RBSN: variants seen among roughly 807,000 people sequenced by gnomAD.
The protein encoded by RBSN is rabenosyn, RAB effector.
Under a neutral mutation model 60.5 loss-of-function variants are expected in RBSN, and 34 were observed. That is an observed-to-expected ratio of 0.56 (90% CI 0.43 to 0.75). RBSN has a LOEUF of 0.75. Ranked by LOEUF, RBSN falls within the 30% of genes least tolerant of loss-of-function variation. The pLI, the probability that RBSN is intolerant of heterozygous loss-of-function variation, is 0.00. For synonymous variants in RBSN, 322 were observed against 366.9 expected, an observed-to-expected ratio of 0.88 and a Z score of 1.40; for missense variants, 845 against 986.8, an observed-to-expected ratio of 0.86 and a Z score of 1.92.
At chr3:15,089,613 CTTT>C (rs570035685) in intron 5 of RBSN, among the ~76,000 whole-genome samples, 9 of 143,948 alleles carry the variant, frequency 6.3e-5, no homozygotes, top group African/African-American at 1.5e-4. Flanking sequence ...ATTTTCTTTT[CTTT>C]TTTTTTTTTC....
intron 4 of RBSN, chr3:15,091,606 G>T: frequency 1.6e-6 from 1 of 636,080 alleles, no homozygotes; most frequent in Non-Finnish European, 2.2e-6. Flanking sequence ...AATACATTAT[G>T]CCAGTTCATG....
chr3:15,089,462 A>AAAAAAC (rs2043439959), intron 5 of RBSN, among the ~76,000 whole-genome samples: 2 of 122,786 alleles, frequency 1.6e-5, no homozygotes, highest in Non-Finnish European at 1.7e-5. Flanking sequence ...TCTCCAAAAA[A>AAAAAAC]AAAAAAAAAA....
chr3:15,078,113 C>T lies in RBSN; in HGVS notation c.960G>A (p.Val320=), dbSNP rs751028843. Reference sequence around the variant, plus strand: ...TCAGCTCATACACTTTCTGCACTTCCACTCGAAGGTCACTGGCATGTTCCA... The same window carrying T: ...TCAGCTCATACACTTTCTGCACTTCTACTCGAAGGTCACTGGCATGTTCCA... ...YSLEHASDLR[V]EVQKVYELID... is the part of the protein sequence containing the mutation. Residue 320 remains valine (V), a synonymous_variant, in exon 11 of 14, where the codon GTG becomes GTA. Transcript: ENST00000253699. 3 of 1,614,012 alleles carry T rather than the reference C, an allele frequency of 1.9e-6. No homozygotes were observed. The highest frequency in any genetic ancestry group is 1.6e-4 in the Middle Eastern group (1 of 6,084).
At chr3:15,086,040 C>T in intron 5 of RBSN, 79 bp from the exon 6 acceptor site, 1 of 1,066,020 alleles carries the variant, frequency 9.4e-7, no homozygotes, top group South Asian at 1.4e-5. Context: ...CCTCTTATCC[C>T]AGTGAATTTC....
intron 2 of RBSN, among the ~76,000 whole-genome samples, chr3:15,096,925 T>C (rs1248463072): frequency 6.6e-6 from 1 of 152,214 alleles, no homozygotes; most frequent in Admixed American, 6.5e-5. Flanking sequence ...CAGTGAGCTA[T>C]AATTGCTCAC....
At position 15,082,277 on chromosome 3, in the gene RBSN, A is replaced by C; in HGVS notation, c.840+90T>G. 3 of 1,515,744 alleles carry C rather than the reference A, an allele frequency of 2.0e-6. No individual in the cohort carries two copies. Among genetic ancestry groups the C allele is most frequent in the Non-Finnish European group, 2.7e-6 (3 of 1,113,050 alleles). 93.9% of individuals were successfully genotyped at this position (1,515,744 alleles called of 1,614,324 possible). A position where few individuals can be genotyped will look rare whatever the true frequency, so the allele number is the denominator to read the frequency against. ...AAATAATTCAAACGAACAACTTCCC[A>C]AAGCATTCTCCAGAATCTGCAGGAG... On this transcript the variant is annotated intron_variant, in intron 9 of 13. Coordinates refer to ENST00000253699, the MANE Select transcript of RBSN (RefSeq NM_022340.4). The surrounding 1 kb of genome is among the most constrained non-coding windows in gnomAD (Gnocchi z 4.2).
intron 12 of RBSN, 119 bp downstream of exon 12, chr3:15,076,943 A>G: frequency 2.5e-6 from 2 of 810,034 alleles, no homozygotes; most frequent in Non-Finnish European, 3.9e-6. Flanking sequence ...CATAATTTCA[A>G]AAAATAATAA....
At position 15,071,633 on chromosome 3, in the gene RBSN, C is replaced by T. The variant is rs1467646148; in HGVS notation, c.*2149G>A. 2 of 152,384 alleles carry T rather than the reference C, an allele frequency of 1.3e-5. No homozygotes were observed. Among genetic ancestry groups the T allele is most frequent in the East Asian group, 1.9e-4 (1 of 5,196 alleles). 9.4% of individuals were successfully genotyped at this position (152,384 alleles called of 1,614,324 possible). ...CACTCCCCATCTCCACACCCCTATA[C>T]AAGATCTTTTCATTCAACCAAAAGG... On this transcript the variant is annotated 3_prime_UTR_variant, in exon 14 of 14. Transcript: ENST00000253699.
At chr3:15,089,589 C>A (rs1336024024) in intron 5 of RBSN, among the ~76,000 whole-genome samples, 2 of 147,694 alleles carry the variant, frequency 1.4e-5, no homozygotes, top group African/African-American at 4.9e-5. Context: ...AAAGCAAATT[C>A]AGTGGTTTTT....
chr3:15,085,399 T>TA (rs557262415), intron 6 of RBSN, among the ~76,000 whole-genome samples: 84 of 152,310 alleles, frequency 5.5e-4, no homozygotes, highest in African/African-American at 1.8e-3. Flanking sequence ...ATTTCTGCCT[T>TA]ACAAAGTACA....
chr3:15,075,630 C>T lies in RBSN; in HGVS notation c.1182G>A (p.Glu394=). The T allele has an allele frequency of 2.5e-6, 4 of 1,614,226 alleles. No individual in the cohort carries two copies. The highest frequency in any genetic ancestry group is 3.4e-6 in the Non-Finnish European group (4 of 1,180,032). ...ELKKKRKEEM[E]RKRAVERQAA... ...CTTGTCTCTCCACGGCCCTCTTCCT[C>T]TCCATTTCCTCCTTCCTTTTCTTTT... Residue 394 remains glutamate (E), a synonymous_variant, in exon 13 of 14, where the codon GAG becomes GAA. Transcript: ENST00000253699.
In RBSN at chr3:15,078,178, G is replaced by A; in HGVS notation, c.912-17C>T. 1 of 1,610,866 alleles carries A rather than the reference G, an allele frequency of 6.2e-7. No individual in the cohort carries two copies. ...TCCCCAGCACTAAGGAGAAACCAGA[G>A]ACACGTGACCTAAGTTTCATGGTGC... is the stretch of plus-strand genomic sequence containing the variant. On this transcript the variant is annotated splice_polypyrimidine_tract_variant and intron_variant, in intron 10 of 13. Coordinates refer to ENST00000253699, the MANE Select transcript of RBSN (RefSeq NM_022340.4).
chr3:15,089,463 A>AAAAAAAC (rs2043440558), intron 5 of RBSN, among the ~76,000 whole-genome samples: 1 of 110,530 alleles, frequency 9.0e-6, no homozygotes, highest in Non-Finnish European at 1.7e-5. Context: ...CTCCAAAAAA[A>AAAAAAAC]AAAAAAAAAA....
At position 15,084,642 on chromosome 3, in the gene RBSN, A is replaced by G. The variant is rs1256774403; in HGVS notation, c.598+93T>C. 1 of 1,441,132 alleles carries G rather than the reference A, an allele frequency of 6.9e-7. No individual in the cohort carries two copies. The highest frequency in any genetic ancestry group is 2.3e-5 in the East Asian group (1 of 43,442). 89.3% of individuals were successfully genotyped at this position (1,441,132 alleles called of 1,614,324 possible). ...GAAGATTCCCATGAGCCATTAATTT[A>G]ACAAAAAGGTTCCACGATCCCAGTG... On this transcript the variant is annotated intron_variant, in intron 8 of 13. Coordinates refer to ENST00000253699, the MANE Select transcript of RBSN (RefSeq NM_022340.4). The surrounding 1 kb of genome is among the most constrained non-coding windows in gnomAD (Gnocchi z 4.2).
Position 15,082,668 on chromosome 3 carries a change from C to A in RBSN, c.599-60G>T. ...CCACAGCATCCAATTACCATACCCA[C>A]GACCTCAAGGTGTCAGTCCACAGGT... On this transcript the variant is annotated intron_variant, in intron 8 of 13. Transcript: ENST00000253699. This position sits in a 1 kb window ranked among gnomAD's most constrained non-coding sequence, Gnocchi z 4.2. The A allele has an allele frequency of 1.3e-6, 2 of 1,580,496 alleles. No individual in the cohort carries two copies. Among genetic ancestry groups the A allele is most frequent in the Admixed American group, 1.8e-5 (1 of 56,154 alleles).
In RBSN at chr3:15,074,711, C is replaced by T. The variant is rs141311563; in HGVS notation, c.1426G>A (p.Ala476Thr). The change falls in exon 14 of 14, where the codon GCG becomes ACG. Residue 476 changes from alanine to threonine, a missense_variant. Physicochemically the swap from Ala to Thr is moderately conservative, Grantham distance 58 (BLOSUM62 0). Transcript: ENST00000253699. This position sits in a 1 kb window ranked among gnomAD's most constrained non-coding sequence, Gnocchi z 6.4. Reference protein sequence around the residue: ...ITSFIRQAKAAGRMDEVRTLQ... With the variant: ...ITSFIRQAKATGRMDEVRTLQ... Reference sequence around the variant, plus strand: ...GTGCGCACTTCATCCATGCGGCCCGCGGCCTTGGCCTGCCTGATGAATGAT... The same window carrying T: ...GTGCGCACTTCATCCATGCGGCCCGTGGCCTTGGCCTGCCTGATGAATGAT... 26 of 1,614,142 alleles carry T rather than the reference C, an allele frequency of 1.6e-5. No homozygotes were observed. In the Middle Eastern group the frequency reaches 4.9e-4, roughly 31 times the overall value.
Position 15,085,020 on chromosome 3 carries a change from G to A in RBSN, c.416C>T (p.Thr139Ile), listed in dbSNP as rs1436630460. ...EKLTAFDRTN[T>I]ESAKIRAIEK... ...GTTACCTCGAATCTTTGCAGACTCA[G>A]TATTTGTTCTGTCAAATGCAGTGAG... is the stretch of plus-strand genomic sequence containing the variant. The change falls in exon 7 of 14, where the codon ACT becomes ATT. Residue 139 changes from threonine to isoleucine, a missense_variant. Coordinates refer to ENST00000253699, the MANE Select transcript of RBSN (RefSeq NM_022340.4). 7.4e-6 allele frequency: 12 copies of A among 1,614,120 alleles called. No individual in the cohort carries two copies. The highest frequency in any genetic ancestry group is 6.7e-5 in the Admixed American group (4 of 60,000).
chr3:15,092,314 TGGTCACTGTG>T (rs2043537573), intron 4 of RBSN, among the ~76,000 whole-genome samples: 1 of 152,178 alleles, frequency 6.6e-6, no homozygotes, highest in African/African-American at 2.4e-5. Flanking sequence ...TCCTGATTAT[TGGTCACTGTG>T]GGACAGCTTT....
rs1445636858 is a variant in RBSN at position 15,084,598 on chromosome 3, AAACAGC to A, written c.598+131_598+136del. 42 of 1,218,644 alleles carry A rather than the reference AAACAGC, an allele frequency of 3.4e-5. No individual in the cohort carries two copies. The African/African-American group carries it at 6.2e-4, about 18-fold the overall frequency. 75.5% of individuals were successfully genotyped at this position (1,218,644 alleles called of 1,614,324 possible). On this transcript the variant is annotated intron_variant, in intron 8 of 13. Coordinates refer to ENST00000253699, the MANE Select transcript of RBSN (RefSeq NM_022340.4). The surrounding 1 kb of genome is among the most constrained non-coding windows in gnomAD (Gnocchi z 4.2). ...ACCTAGTCTGTAGTGGGTTTCACAG[AAACAGC>A]AACTCAATGAATGAAGATTCCCATG...
Sources: gnomAD v4.1 joint callset for allele counts (sites outside exome capture counted in the v4.1 genomes callset) on GRCh38, gnomAD v4.1.1 for gene constraint, Gnocchi (gnomAD v3.1) non-coding constraint, MANE v1.5 for transcripts, NCBI Gene and HGNC (gene_info 2026-07-23, HGNC 2026-07-21) for gene names.